SLC12A6: variants seen among roughly 807,000 people sequenced by gnomAD.
SLC12A6 encodes solute carrier family 12 member 6.
Under a neutral mutation model 135.3 loss-of-function variants are expected in SLC12A6, and 66 were observed. The ratio of observed to expected loss-of-function variants is 0.49; its 90% CI spans 0.40 to 0.60. SLC12A6 has a LOEUF of 0.60. Among genes scored for constraint, SLC12A6 ranks in the 20% least tolerant of loss-of-function variants. The pLI is 0.00. For missense variants in SLC12A6, 1,058 were observed against 1,452.3 expected, an observed-to-expected ratio of 0.73 and a Z score of 4.41; for synonymous variants, 513 against 508.8, an observed-to-expected ratio of 1.01 and a Z score of -0.11.
chr15:34,269,444 C>T (rs1893758646), intron 3 of SLC12A6, among the ~76,000 whole-genome samples: 1 of 152,158 alleles, frequency 6.6e-6, no homozygotes, highest in African/African-American at 2.4e-5. Context: ...AGATAAATCT[C>T]AAGTTACTCC....
chr15:34,329,456 G>A (rs1348297891), intron 2 of SLC12A6, among the ~76,000 whole-genome samples: 1 of 152,084 alleles, frequency 6.6e-6, no homozygotes, highest in Non-Finnish European at 1.5e-5. Context: ...AGGTTCCCAG[G>A]TTTGCAGGAG....
intron 24 of SLC12A6, 150 bp from the exon 25 acceptor site, chr15:34,235,464 C>T (rs1276327282): frequency 4.7e-5 from 28 of 591,930 alleles, no homozygotes; most frequent in African/African-American, 7.2e-5. Context: ...GAGGGAGTTT[C>T]GCTCATGTCA....
intron 2 of SLC12A6, among the ~76,000 whole-genome samples, chr15:34,312,718 G>T (rs1412678667): frequency 6.6e-6 from 1 of 152,156 alleles, no homozygotes; most frequent in Non-Finnish European, 1.5e-5. Flanking sequence ...ATACTTTGGG[G>T]TTTTTTGTTT....
intron 9 of SLC12A6, 37 bp downstream of exon 9, chr15:34,254,311 C>T (rs745649055): frequency 2.0e-5 from 32 of 1,586,596 alleles, no homozygotes; most frequent in Non-Finnish European, 2.7e-5. Context: ...CAATTACTAC[C>T]CAATAAGGAT....
At chr15:34,256,102 T>C in intron 7 of SLC12A6, 127 bp downstream of exon 7, 1 of 724,922 alleles carries the variant, frequency 1.4e-6, no homozygotes. Flanking sequence ...CTATAGACCA[T>C]TACTCTGTTG....
intron 2 of SLC12A6, among the ~76,000 whole-genome samples, chr15:34,310,813 T>C (rs1888195266): frequency 8.2e-6 from 1 of 122,260 alleles, no homozygotes; most frequent in African/African-American, 3.3e-5. Flanking sequence ...TGTGTGTGTG[T>C]GTGTGTCCCG....
chr15:34,320,124 A>G (rs559519773), intron 2 of SLC12A6, among the ~76,000 whole-genome samples: 1 of 152,294 alleles, frequency 6.6e-6, no homozygotes, highest in African/African-American at 2.4e-5. Flanking sequence ...AATGCCTTCC[A>G]TCTGACAAGT....
intron 2 of SLC12A6, among the ~76,000 whole-genome samples, chr15:34,284,670 G>A (rs1894927847): frequency 6.6e-6 from 1 of 152,168 alleles, no homozygotes; most frequent in Non-Finnish European, 1.5e-5. Context: ...TACTAGAAAT[G>A]TAGTAACAAA....
At chr15:34,287,625 C>A (rs1393573785) in intron 2 of SLC12A6, among the ~76,000 whole-genome samples, 1 of 152,182 alleles carries the variant, frequency 6.6e-6, no homozygotes, top group African/African-American at 2.4e-5. Context: ...TTTCCCACAA[C>A]CTCTCCAGCA....
chr15:34,332,404 G>C (rs1889909386), intron 2 of SLC12A6, among the ~76,000 whole-genome samples: 1 of 152,218 alleles, frequency 6.6e-6, no homozygotes. Context: ...TATGTTACCT[G>C]TATATTTCCT....
At position 34,232,969 on chromosome 15, in the gene SLC12A6, T is replaced by A. The variant is rs1420495773; in HGVS notation, c.*912A>T. On this transcript the variant is annotated 3_prime_UTR_variant, in exon 26 of 26. Transcript: ENST00000354181. ...GAGGGCATAAAAAAAGGCGCGGGGGTGGGGGCGGGGGGAGAAGAACCTGTT... is the reference window on the plus strand; with the variant it reads ...GAGGGCATAAAAAAAGGCGCGGGGGAGGGGGCGGGGGGAGAAGAACCTGTT... 6.7e-5 allele frequency: 1 copy of A among 15,028 alleles called. No individual in the cohort carries two copies. The highest frequency in any genetic ancestry group is 2.7e-4 in the African/African-American group (1 of 3,690). The allele number at this position is 15,028 out of a possible 1,614,324, so 0.9% of individuals were successfully genotyped here. A position where few individuals can be genotyped will look rare whatever the true frequency, so the allele number is the denominator to read the frequency against.
rs576220981 is a variant in SLC12A6, at chr15:34,337,592, C to T, written c.-333G>A. 31 of 152,624 alleles carry T rather than the reference C, an allele frequency of 2.0e-4. No homozygotes were observed. Among genetic ancestry groups the T allele is most frequent in the African/African-American group, 7.0e-4 (29 of 41,588 alleles). 9.5% of individuals were successfully genotyped at this position (152,624 alleles called of 1,614,324 possible). A position where few individuals can be genotyped will look rare whatever the true frequency, so the allele number is the denominator to read the frequency against. ...CCACCCCCTTTGCCGGAGGCGCGTT[C>T]TCCCCTACCCCCGCCCCGGCGCAGG... is the stretch of plus-strand genomic sequence containing the variant. On this transcript the variant is annotated 5_prime_UTR_variant, in exon 1 of 26. Transcript: ENST00000354181.
rs1320343003 is a variant in SLC12A6 at position 34,234,637 on chromosome 15, G to C, written c.3361+544C>G. On this transcript the variant is annotated intron_variant, in intron 25 of 25. Transcript: ENST00000354181. ...TCCACCTGCCTTAGCCTCCCAAAGTGCTGGGATTACAGGCATGAGCCACCA... is the reference window on the plus strand; with the variant it reads ...TCCACCTGCCTTAGCCTCCCAAAGTCCTGGGATTACAGGCATGAGCCACCA... Among the ~76,000 whole-genome samples the C allele has an allele frequency of 2.6e-5, 4 of 152,172 alleles. No homozygotes were observed. The East Asian group carries it at 7.7e-4, about 29-fold the overall frequency.
rs1221781009 is a variant in SLC12A6 at position 34,240,787 on chromosome 15, A to G, written c.2310T>C (p.His770=). 12 of 1,613,984 alleles carry G rather than the reference A, an allele frequency of 7.4e-6. No homozygotes were observed. The highest frequency in any genetic ancestry group is 1.3e-5 in the African/African-American group (1 of 74,926). ...LVLLKLDEDL[H]VKHPRLLTFA... is the part of the protein sequence containing the mutation. ...AGGTGAGGAGGCGAGGATGCTTGAC[A>G]TGTAAGTCTTCATCTAGTTTCAGTA... The change falls in exon 19 of 26, where the codon CAT becomes CAC. Residue 770 remains histidine (H), a synonymous_variant. Coordinates refer to ENST00000354181, the MANE Select transcript of SLC12A6 (RefSeq NM_001365088.1).
intron 13 of SLC12A6, among the ~76,000 whole-genome samples, chr15:34,248,252 A>T (rs1001799561): frequency 6.6e-6 from 1 of 152,164 alleles, no homozygotes; most frequent in African/African-American, 2.4e-5. Flanking sequence ...ACTTATGAAG[A>T]GAAAATGAAG....
At chr15:34,268,178 C>T (rs973594850) in intron 3 of SLC12A6, among the ~76,000 whole-genome samples, 2 of 152,220 alleles carry the variant, frequency 1.3e-5, no homozygotes, top group African/African-American at 2.4e-5. Flanking sequence ...AATCCTGTCC[C>T]ATTCTGCTAC....
chr15:34,316,278 C>T (rs966067507), intron 2 of SLC12A6, among the ~76,000 whole-genome samples: 1 of 151,838 alleles, frequency 6.6e-6, no homozygotes, highest in Non-Finnish European at 1.5e-5. Context: ...GTGAAAAAAC[C>T]ATGATCAATT....
chr15:34,255,131 G>A, intron 8 of SLC12A6, 131 bp downstream of exon 8: 2 of 802,838 alleles, frequency 2.5e-6, no homozygotes, highest in Non-Finnish European at 2.2e-6. Flanking sequence ...TCATGTAAGA[G>A]GCCAACTGAC....
chr15:34,273,190 A>T (rs1405374294), intron 3 of SLC12A6, among the ~76,000 whole-genome samples: 1 of 152,172 alleles, frequency 6.6e-6, no homozygotes, highest in African/African-American at 2.4e-5. Context: ...GACTCTACTA[A>T]AAATACAAAA....
Sources: gnomAD v4.1 joint callset for allele counts (sites outside exome capture counted in the v4.1 genomes callset) on GRCh38, gnomAD v4.1.1 for gene constraint, MANE v1.5 for transcripts, NCBI Gene and HGNC (gene_info 2026-07-23, HGNC 2026-07-21) for gene names.